Variants in TFEC observed in about 807,000 individuals in gnomAD.
TFEC encodes the protein transcription factor EC.
Under a neutral mutation model 41.6 loss-of-function variants are expected in TFEC, and 31 were observed. The ratio of observed to expected loss-of-function variants is 0.74; its 90% confidence interval spans 0.56 to 1.01. The LOEUF is 1.01. Ranked by LOEUF, TFEC falls within the 50% of genes least tolerant of loss-of-function variation. TFEC has a pLI of 0.00. For synonymous variants in TFEC, 143 were observed against 140.6 expected (o/e 1.02, Z -0.12); for missense variants, 402 against 404.1 (o/e 0.99, Z 0.04).
chr7:115,958,791 C>T (rs1397858724), intron 3 of TFEC, among the ~76,000 whole-genome samples: 1 of 151,738 alleles, frequency 6.6e-6, no homozygotes, highest in Non-Finnish European at 1.5e-5. Flanking sequence ...AATTAATATC[C>T]TATTTAATTT....
At chr7:116,124,952 C>A (rs1434602898) in intron 1 of TFEC, among the ~76,000 whole-genome samples, 2 of 152,110 alleles carry the variant, frequency 1.3e-5, no homozygotes, top group Middle Eastern at 3.2e-3. Flanking sequence ...CACATGTATT[C>A]AATAGATAAT....
At chr7:116,134,643 T>C (rs1219627532) in intron 1 of TFEC, among the ~76,000 whole-genome samples, 1 of 152,162 alleles carries the variant, frequency 6.6e-6, no homozygotes, top group African/African-American at 2.4e-5. Context: ...ACTGTGAGCA[T>C]TGCTATACGA....
intron 3 of TFEC, among the ~76,000 whole-genome samples, chr7:116,046,153 T>C (rs978167206): frequency 1.3e-5 from 2 of 152,114 alleles, no homozygotes; most frequent in African/African-American, 4.8e-5. Flanking sequence ...TGGGTTAATG[T>C]TGAAATAAGG....
rs755405277 is a variant in TFEC at position 115,941,902 on chromosome 7, A to T, written c.654T>A (p.Leu218=). The T allele has an allele frequency of 6.2e-6, 10 of 1,613,112 alleles. No individual in the cohort carries two copies. The highest frequency in any genetic ancestry group is 8.5e-6 in the Non-Finnish European group (10 of 1,179,412). The change falls in exon 7 of 8, where the codon CTT becomes CTA. Residue 218 remains leucine (L), a synonymous_variant. Coordinates refer to ENST00000265440, the MANE Select transcript of TFEC (RefSeq NM_012252.4). The stretch of plus-strand genomic sequence containing the variant: ...ACATTCTTATAAAAACCTGAATCCG[A>T]AGTAGAAGTCGCCTGTTAGCCTGCT... The part of the protein sequence containing the change: ...KLEQANRRLL[L]RIQELEIQAR...
At chr7:115,999,992 C>T (rs1215921380) in intron 1 of TFEC, among the ~76,000 whole-genome samples, 2 of 151,998 alleles carry the variant, frequency 1.3e-5, no homozygotes, top group Non-Finnish European at 2.9e-5. Flanking sequence ...ACTCTGATCT[C>T]AAAACCAGAC....
chr7:116,015,795 G>A (rs947284878), intron 1 of TFEC, among the ~76,000 whole-genome samples: 2 of 152,154 alleles, frequency 1.3e-5, no homozygotes, highest in African/African-American at 4.8e-5. Context: ...ATAAGGAATA[G>A]AAGTGAAAGC....
At chr7:116,113,885 G>A (rs918101806) in intron 1 of TFEC, among the ~76,000 whole-genome samples, 9 of 151,958 alleles carry the variant, frequency 5.9e-5, no homozygotes, top group Non-Finnish European at 2.9e-5. Context: ...ACGGACACAA[G>A]TTTTGGAAAG....
At chr7:116,124,509 C>T (rs1333889342) in intron 1 of TFEC, among the ~76,000 whole-genome samples, 11 of 150,392 alleles carry the variant, frequency 7.3e-5, no homozygotes, top group Admixed American at 7.3e-4. Context: ...AAATATTTTA[C>T]CCCTAAAATG....
chr7:115,946,877 G>GAATAATAT (rs1791609628), intron 6 of TFEC, among the ~76,000 whole-genome samples: 1 of 150,926 alleles, frequency 6.6e-6, no homozygotes, highest in Admixed American at 6.6e-5. Flanking sequence ...TCCGGATAAT[G>GAATAATAT]AATAATATCC....
chr7:115,959,901 GA>G (rs1045908564), intron 3 of TFEC, among the ~76,000 whole-genome samples: 129 of 151,468 alleles, frequency 8.5e-4, no homozygotes, highest in African/African-American at 3.0e-3. Context: ...CAGGAGTTTC[GA>G]AAAGAGAGAA....
At chr7:116,028,510 A>C (rs1184775504) in intron 1 of TFEC, among the ~76,000 whole-genome samples, 2 of 152,132 alleles carry the variant, frequency 1.3e-5, no homozygotes, top group Non-Finnish European at 2.9e-5. Context: ...TTCTTAGTAA[A>C]CACCCCCAGT....
At chr7:115,960,804 A>G (rs920073941) in intron 3 of TFEC, among the ~76,000 whole-genome samples, 1 of 151,688 alleles carries the variant, frequency 6.6e-6, no homozygotes, top group Non-Finnish European at 1.5e-5. Flanking sequence ...AAGGACACAT[A>G]AAGATTAAAA....
intron 3 of TFEC, among the ~76,000 whole-genome samples, chr7:116,094,507 C>T (rs1168389711): frequency 6.6e-6 from 1 of 151,466 alleles, no homozygotes; most frequent in South Asian, 2.1e-4. Context: ...GATGAAATCC[C>T]GTCTCTACCA....
intron 3 of TFEC, among the ~76,000 whole-genome samples, chr7:116,041,073 G>C (rs1796024964): frequency 6.6e-6 from 1 of 152,004 alleles, no homozygotes; most frequent in Admixed American, 6.6e-5. Context: ...GAGATGAAAA[G>C]GATCGGTTAA....
chr7:115,995,395 A>G (rs1289312791), intron 1 of TFEC, among the ~76,000 whole-genome samples: 3 of 152,194 alleles, frequency 2.0e-5, no homozygotes, highest in African/African-American at 4.8e-5. Context: ...ATGCATATAT[A>G]TATACACACA....
chr7:116,011,256 G>C (rs1348458444), intron 1 of TFEC, among the ~76,000 whole-genome samples: 2 of 152,034 alleles, frequency 1.3e-5, no homozygotes, highest in East Asian at 3.9e-4. Context: ...TAGGATTTTG[G>C]ATAACACATT....
At chr7:116,122,769 G>A (rs1798133070) in intron 1 of TFEC, among the ~76,000 whole-genome samples, 1 of 152,096 alleles carries the variant, frequency 6.6e-6, no homozygotes, top group Non-Finnish European at 1.5e-5. Context: ...ACAAGGTGAT[G>A]GCAAGTGAAT....
At chr7:116,038,204 T>C (rs1324744414) in intron 3 of TFEC, among the ~76,000 whole-genome samples, 1 of 152,070 alleles carries the variant, frequency 6.6e-6, no homozygotes, top group Non-Finnish European at 1.5e-5. Flanking sequence ...TCTCTAGAGC[T>C]TATATTTAAT....
rs992941240 is a variant in TFEC at position 116,046,988 on chromosome 7, T to C, written c.199-62475A>G. On this transcript the variant is annotated intron_variant, in intron 3 of 8. Coordinates refer to the TFEC transcript ENST00000484212. ...AAAAATGATAAATACTTAGAAAGCA[T>C]TTACTTGTGTCAGTGACTCCAGTAA... 4.6e-5 allele frequency among the ~76,000 whole-genome samples: 7 copies of C among 152,336 alleles called. No individual in the cohort carries two copies. The East Asian group carries it at 1.2e-3, about 25-fold the overall frequency.
Sources: gnomAD v4.1 joint callset for allele counts (sites outside exome capture counted in the v4.1 genomes callset) on GRCh38, gnomAD v4.1.1 for gene constraint, MANE v1.5 for transcripts, NCBI Gene and HGNC (gene_info 2026-07-23, HGNC 2026-07-21) for gene names.